The following RTL9 variants were observed in gnomAD, a reference collection of about 807,000 sequenced individuals.
The protein encoded by RTL9 is retrotransposon Gag-like protein 9.
Under a neutral mutation model 44.7 loss-of-function variants are expected in RTL9, and 19 were observed. That is an observed-to-expected ratio of 0.42 (90% CI 0.30 to 0.62). RTL9 has a LOEUF of 0.62. Ranked by LOEUF, RTL9 falls within the 20% of genes least tolerant of loss-of-function variation. The pLI is 0.16. For synonymous variants in RTL9, 407 were observed against 398.9 expected, an observed-to-expected ratio of 1.02 and a Z score of -0.24; for missense variants, 1,105 against 1,080.6, an observed-to-expected ratio of 1.02 and a Z score of -0.32.
At chrX:110,413,227 G>A (rs2068653312) in intron 1 of RTL9, among the ~76,000 whole-genome samples, 1 of 111,092 alleles carries the variant, frequency 9.0e-6, no homozygotes, top group Admixed American at 9.5e-5. Context: ...CTACACCCTG[G>A]ATAAATTTTA....
intron 1 of RTL9, among the ~76,000 whole-genome samples, chrX:110,404,802 C>T (rs182947193): frequency 9.0e-6 from 1 of 111,512 alleles, no homozygotes; most frequent in South Asian, 3.8e-4. Context: ...ACTAATTAAG[C>T]CTGTTAGACT....
chrX:110,417,014 C>T (rs929825795), upstream of RTL9, among the ~76,000 whole-genome samples: 4 of 112,356 alleles, frequency 3.6e-5, no homozygotes, highest in South Asian at 3.7e-4. Context: ...CGCTGGGTGG[C>T]GAAGGGCTTT....
At chrX:110,390,632 T>G (rs914141456) in intron 1 of RTL9, among the ~76,000 whole-genome samples, 1 of 111,820 alleles carries the variant, frequency 8.9e-6, no homozygotes, top group African/African-American at 3.3e-5. Context: ...TCCAGCAAAA[T>G]AGAGATGGCT....
chrX:110,439,481 T>C (rs2068863901), intron 1 of RTL9, among the ~76,000 whole-genome samples: 2 of 112,229 alleles, frequency 1.8e-5, no homozygotes, highest in African/African-American at 6.5e-5. Flanking sequence ...TTTCAGCAAA[T>C]TGCAGCATAA....
At chrX:110,364,713 G>A (rs946303150) in intron 1 of RTL9, among the ~76,000 whole-genome samples, 4 of 111,662 alleles carry the variant, frequency 3.6e-5, no homozygotes, top group Non-Finnish European at 5.6e-5. Flanking sequence ...TCCATTTAGA[G>A]TATAAGCATC....
At chrX:110,372,042 G>A (rs1013942081) in intron 1 of RTL9, among the ~76,000 whole-genome samples, 5 of 111,153 alleles carry the variant, frequency 4.5e-5, no homozygotes, top group Admixed American at 2.9e-4. Context: ...CCAGCTCCTA[G>A]GACAATGTGG....
At chrX:110,374,486 A>G (rs2068362037) in intron 1 of RTL9, among the ~76,000 whole-genome samples, 1 of 111,921 alleles carries the variant, frequency 8.9e-6, no homozygotes, top group South Asian at 3.7e-4. Flanking sequence ...CTGCATCACC[A>G]CTATTGATTT....
Position 110,360,095 on chromosome X carries a change from G to A in RTL9, c.-168+1179G>A, listed in dbSNP as rs1196286348. ...GCATTCTAGGAGTTTCAACAGCACT[G>A]TCTCTGGGCTCAGTTGAGGACAGAG... On this transcript the variant is annotated intron_variant, in intron 1 of 2. Transcript: ENST00000520821. Among the ~76,000 whole-genome samples the A allele has an allele frequency of 3.6e-5, 4 of 111,600 alleles. No homozygotes were observed. The Admixed American group carries it at 3.8e-4, about 11-fold the overall frequency.
exon 1 of RTL9, chrX:110,453,476 A>T (rs1353321746): frequency 1.7e-6 from 2 of 1,210,358 alleles, no homozygotes; most frequent in Admixed American, 2.2e-5. Context: ...CCAAGCCATT[A>T]ATGAGAGCCC....
rs200906274 is a variant in RTL9 at position 110,371,745 on chromosome X, C to CT, written c.-168+12837dup. Among the ~76,000 whole-genome samples, 903 of 110,926 alleles carry CT rather than the reference C, an allele frequency of 8.1e-3. 11 individuals carry two copies. Among genetic ancestry groups the CT allele is most frequent in the African/African-American group, 0.028 (863 of 30,502 alleles). Reference sequence around the variant, plus strand: ...AGAAGGATCTGCTGTGAGCCACAGACTTTTTTTTGGCAGTCATCTTCTAAA... The same window carrying CT: ...AGAAGGATCTGCTGTGAGCCACAGACTTTTTTTTTGGCAGTCATCTTCTAAA... On this transcript the variant is annotated intron_variant, in intron 1 of 2. Coordinates refer to the RTL9 transcript ENST00000520821.
At chrX:110,450,417 T>C, upstream of RTL9, 1 of 393,258 alleles carries the variant, frequency 2.5e-6, no homozygotes, top group Non-Finnish European at 4.5e-6. Flanking sequence ...AGTTGTTCAT[T>C]GCTTCACAGC....
At chrX:110,369,334 T>TAAAAGAAA (rs974304819) in intron 1 of RTL9, among the ~76,000 whole-genome samples, 1 of 110,216 alleles carries the variant, frequency 9.1e-6, no homozygotes, top group Non-Finnish European at 1.9e-5. Flanking sequence ...TCTGTCTCAG[T>TAAAAGAAA]AAAAGAAAAA....
intron 1 of RTL9, among the ~76,000 whole-genome samples, chrX:110,390,053 C>T (rs2068484283): frequency 9.0e-6 from 1 of 111,433 alleles, no homozygotes; most frequent in East Asian, 2.8e-4. Flanking sequence ...GAACAAGATA[C>T]AAACTTGACC....
At chrX:110,404,759 G>C (rs933362153) in intron 1 of RTL9, among the ~76,000 whole-genome samples, 1 of 111,288 alleles carries the variant, frequency 9.0e-6, no homozygotes, top group Non-Finnish European at 1.9e-5. Context: ...ACTCTGTCAG[G>C]GTTGCTGAAA....
chrX:110,445,223 C>T (rs2068901918), exon 2 of RTL9: 2 of 112,349 alleles, frequency 1.8e-5, no homozygotes, highest in African/African-American at 3.2e-5. Context: ...CAGACAGACC[C>T]GAGTGACAAG....
At chrX:110,450,786 G>C (rs758330970) in exon 1 of RTL9, 1 of 1,211,700 alleles carries the variant, frequency 8.3e-7, no homozygotes. Flanking sequence ...TTCAGCCTCA[G>C]ACCCTGGAGG....
At chrX:110,360,968 G>A (rs972143135) in intron 1 of RTL9, among the ~76,000 whole-genome samples, 17 of 111,517 alleles carry the variant, frequency 1.5e-4, no homozygotes, top group African/African-American at 4.9e-4. Flanking sequence ...TCCGATCTTC[G>A]TGGCTTAATA....
exon 1 of RTL9, chrX:110,452,421 T>C: frequency 8.3e-7 from 1 of 1,211,456 alleles, no homozygotes; most frequent in South Asian, 1.8e-5. Flanking sequence ...AGGAGTGATG[T>C]CCTGTCCACA....
At chrX:110,448,569 T>A (rs952556595), upstream of RTL9, among the ~76,000 whole-genome samples, 2 of 105,562 alleles carry the variant, frequency 1.9e-5, no homozygotes, top group Non-Finnish European at 3.9e-5. Flanking sequence ...TCTGGAGGAC[T>A]GTCAAGTGAA....
Sources: gnomAD v4.1 joint callset for allele counts (sites outside exome capture counted in the v4.1 genomes callset) on GRCh38, gnomAD v4.1.1 for gene constraint, MANE v1.5 for transcripts, NCBI Gene and HGNC (gene_info 2026-07-23, HGNC 2026-07-21) for gene names.